Variants in ZNF804B observed in about 807,000 individuals in gnomAD.
ZNF804B encodes zinc finger protein 804B.
A neutral mutation model predicts 101.4 loss-of-function variants in ZNF804B; 80 were observed. The ratio of observed to expected loss-of-function variants is 0.79; its 90% CI spans 0.66 to 0.95. ZNF804B has a LOEUF of 0.95. Among genes scored for constraint, ZNF804B ranks in the 40% least tolerant of loss-of-function variants. The probability of loss-of-function intolerance (pLI) is 0.00; values close to 1 mark genes in which losing one functional copy is unlikely to be tolerated. For missense variants in ZNF804B, 1,673 were observed against 1,561.9 expected (o/e 1.07, Z -1.20); for synonymous variants, 622 against 558.8 (o/e 1.11, Z -1.59).
At chr7:88,888,494 T>C (rs999168491) in intron 1 of ZNF804B, among the ~76,000 whole-genome samples, 2 of 152,172 alleles carry the variant, frequency 1.3e-5, no homozygotes, top group Admixed American at 1.3e-4. Context: ...GTCTTCTATG[T>C]TTACAGACAC....
intron 1 of ZNF804B, among the ~76,000 whole-genome samples, chr7:89,129,568 G>C (rs938434936): frequency 6.6e-6 from 1 of 152,024 alleles, no homozygotes; most frequent in Admixed American, 6.6e-5. Flanking sequence ...CAGAGTCTTA[G>C]ATGAGTAATA....
chr7:88,911,812 C>G (rs1409235175), intron 1 of ZNF804B, among the ~76,000 whole-genome samples: 1 of 151,358 alleles, frequency 6.6e-6, no homozygotes, highest in Non-Finnish European at 1.5e-5. Flanking sequence ...GTTGATGTCC[C>G]TTTTCTGAAT....
At chr7:89,064,234 A>G (rs1459353835) in intron 1 of ZNF804B, among the ~76,000 whole-genome samples, 1 of 152,062 alleles carries the variant, frequency 6.6e-6, no homozygotes, top group African/African-American at 2.4e-5. Flanking sequence ...GCCACTGGAT[A>G]TTGTCTGCTC....
chr7:89,334,492 A>G lies in ZNF804B; in HGVS notation c.1510A>G (p.Lys504Glu), dbSNP rs1322296142. Residue 504 changes from lysine to glutamate, a missense_variant, in exon 4 of 4, where the codon AAG becomes GAG. Physicochemically the swap from Lys to Glu is moderately conservative, Grantham distance 56. Coordinates refer to ENST00000333190, the MANE Select transcript of ZNF804B (RefSeq NM_181646.5). ...LEDLKTELGK[K>E]PLELKTKRES... ...GGACTTAAAAACAGAATTGGGTAAG[A>G]AGCCCTTGGAATTGAAGACTAAAAG... The G allele has an allele frequency of 3.7e-6, 6 of 1,613,764 alleles. No homozygotes were observed. The African/African-American group carries it at 6.7e-5, about 18-fold the overall frequency.
chr7:88,846,038 C>A (rs2115817315), intron 1 of ZNF804B, among the ~76,000 whole-genome samples: 1 of 152,286 alleles, frequency 6.6e-6, no homozygotes, highest in Admixed American at 6.5e-5. Context: ...CACCAGCTTT[C>A]AGTGCAGAAA....
intron 1 of ZNF804B, among the ~76,000 whole-genome samples, chr7:89,071,634 G>A (rs747710232): frequency 1.3e-5 from 2 of 152,010 alleles, no homozygotes; most frequent in African/African-American, 2.4e-5. Context: ...CAATGTTCTT[G>A]TTCTCAAATT....
intron 1 of ZNF804B, among the ~76,000 whole-genome samples, chr7:88,892,393 G>GT (rs1792226876): frequency 6.6e-6 from 1 of 151,998 alleles, no homozygotes. Flanking sequence ...GTAGAAAATA[G>GT]TTTTTTTGGG....
At chr7:88,892,731 T>G (rs549566644) in intron 1 of ZNF804B, among the ~76,000 whole-genome samples, 1 of 152,320 alleles carries the variant, frequency 6.6e-6, no homozygotes, top group African/African-American at 2.4e-5. Context: ...TTTCTCCTGT[T>G]TTTGTTAAAC....
intron 1 of ZNF804B, among the ~76,000 whole-genome samples, chr7:89,130,268 T>C (rs1185939504): frequency 1.3e-5 from 2 of 151,818 alleles, no homozygotes; most frequent in Admixed American, 6.6e-5. Flanking sequence ...CCATTTGCCA[T>C]CCTAAAAGGG....
chr7:88,874,989 C>G (rs1391794930), intron 1 of ZNF804B, among the ~76,000 whole-genome samples: 6 of 130,482 alleles, frequency 4.6e-5, no homozygotes, highest in Non-Finnish European at 7.9e-5. Context: ...CAAACTAGAA[C>G]TGAGGATTAA....
Position 89,275,617 on chromosome 7 carries a change from T to C in ZNF804B, c.250-51727T>C, listed in dbSNP as rs80100579. 6.6e-3 allele frequency among the ~76,000 whole-genome samples: 1,003 copies of C among 152,040 alleles called. 37 individuals carry two copies. The highest frequency in any genetic ancestry group is 0.023 in the African/African-American group (964 of 41,316). On this transcript the variant is annotated intron_variant, in intron 2 of 3. Transcript: ENST00000333190. ...AGTTTATTCCCCTCTCTATTTCAGA[T>C]CTCTGATCCAATTCCATCTTTCTTA...
chr7:89,171,407 TTCTTCTTCTTCTC>T (rs1476951449), intron 1 of ZNF804B, among the ~76,000 whole-genome samples: 3 of 109,970 alleles, frequency 2.7e-5, no homozygotes, highest in African/African-American at 9.6e-5. Flanking sequence ...CTTCTTCTTC[TTCTTCTTCTTCTC>T]CTTCTCCTTC....
chr7:89,030,581 T>C (rs1352747087), intron 1 of ZNF804B, among the ~76,000 whole-genome samples: 4 of 152,206 alleles, frequency 2.6e-5, no homozygotes, highest in African/African-American at 9.6e-5. Flanking sequence ...TTGAGTTTTA[T>C]GATTCTAATC....
intron 2 of ZNF804B, among the ~76,000 whole-genome samples, chr7:89,267,297 T>C (rs553955709): frequency 2.0e-4 from 31 of 152,308 alleles, no homozygotes; most frequent in African/African-American, 7.0e-4. Context: ...CTCTGTTTTG[T>C]ATATTCTACA....
At chr7:88,849,683 A>T (rs946320839) in intron 1 of ZNF804B, among the ~76,000 whole-genome samples, 1 of 151,310 alleles carries the variant, frequency 6.6e-6, no homozygotes, top group Non-Finnish European at 1.5e-5. Flanking sequence ...GTTACTTCTT[A>T]AAATTTAAAT....
intron 1 of ZNF804B, among the ~76,000 whole-genome samples, chr7:88,943,678 A>G (rs1323452574): frequency 6.6e-6 from 1 of 151,860 alleles, no homozygotes; most frequent in Non-Finnish European, 1.5e-5. Context: ...GACTACCACT[A>G]CAATGAAGAT....
chr7:88,848,027 G>C (rs1791400436), intron 1 of ZNF804B, among the ~76,000 whole-genome samples: 1 of 152,168 alleles, frequency 6.6e-6, no homozygotes, highest in Non-Finnish European at 1.5e-5. Context: ...TTTCCAATCA[G>C]AAGTGATTTT....
chr7:89,034,938 C>T lies in ZNF804B; in HGVS notation c.109-183217C>T, dbSNP rs1788902425. On this transcript the variant is annotated intron_variant, in intron 1 of 3. Coordinates refer to ENST00000333190, the MANE Select transcript of ZNF804B (RefSeq NM_181646.5). ...TTGTTTCTTGACTTTTTAATGATCA[C>T]CACTGAGATGTTAGTTTATTATACT... Among the ~76,000 whole-genome samples the T allele has an allele frequency of 2.6e-5, 4 of 152,224 alleles. No individual in the cohort carries two copies. The South Asian group carries it at 8.3e-4, about 32-fold the overall frequency.
intron 1 of ZNF804B, among the ~76,000 whole-genome samples, chr7:88,804,161 TG>T (rs1790649837): frequency 6.6e-6 from 1 of 152,084 alleles, no homozygotes; most frequent in Non-Finnish European, 1.5e-5. Context: ...TTGCAAGCAT[TG>T]AGTGGATCAA....
Sources: gnomAD v4.1 joint callset for allele counts (sites outside exome capture counted in the v4.1 genomes callset) on GRCh38, gnomAD v4.1.1 for gene constraint, MANE v1.5 for transcripts, NCBI Gene and HGNC (gene_info 2026-07-23, HGNC 2026-07-21) for gene names.